Variants in ARHGAP6 observed in about 807,000 individuals in gnomAD.
ARHGAP6 encodes rho GTPase-activating protein 6.
ARHGAP6 carries 16 observed loss-of-function variants against 55.7 expected under a neutral mutation model. The ratio of observed to expected loss-of-function variants is 0.29; its 90% CI spans 0.19 to 0.44. ARHGAP6 has a LOEUF of 0.44. Among genes scored for constraint, ARHGAP6 ranks in the 20% least tolerant of loss-of-function variants. The pLI, the probability that ARHGAP6 is intolerant of heterozygous loss-of-function variation, is 1.00. For missense variants in ARHGAP6, 698 were observed against 808.9 expected (o/e 0.86, Z 1.66); for synonymous variants, 382 against 360.9 (o/e 1.06, Z -0.66).
chrX:11,229,122 C>A (rs1356761680), intron 2 of ARHGAP6, among the ~76,000 whole-genome samples: 1 of 112,231 alleles, frequency 8.9e-6, no homozygotes, highest in Non-Finnish European at 1.9e-5. Context: ...TAAAAGAAGA[C>A]AAAACTTATT....
intron 1 of ARHGAP6, among the ~76,000 whole-genome samples, chrX:11,504,236 T>G (rs1397108137): frequency 8.9e-6 from 1 of 112,442 alleles, no homozygotes; most frequent in East Asian, 2.8e-4. Flanking sequence ...GTTATTATGT[T>G]TAATTTGTTA....
intron 1 of ARHGAP6, among the ~76,000 whole-genome samples, chrX:11,340,787 T>C (rs2147651632): frequency 9.0e-6 from 1 of 111,722 alleles, no homozygotes; most frequent in East Asian, 2.8e-4. Context: ...TTCTGTTCTT[T>C]ACACAGCATT....
chrX:11,290,510 C>T (rs1309514874), intron 1 of ARHGAP6: 1 of 316,489 alleles, frequency 3.2e-6, no homozygotes, highest in South Asian at 3.2e-5. Flanking sequence ...AAAAAAAAAG[C>T]TATCCTAGAG....
chrX:11,637,720 T>C (rs1243361845), intron 1 of ARHGAP6, among the ~76,000 whole-genome samples: 1 of 110,518 alleles, frequency 9.0e-6, no homozygotes, highest in African/African-American at 3.3e-5. Context: ...TTTTCAGTAA[T>C]TGATTTTATC....
chrX:11,473,201 T>A (rs1291115267), intron 1 of ARHGAP6, among the ~76,000 whole-genome samples: 1 of 110,932 alleles, frequency 9.0e-6, no homozygotes, highest in African/African-American at 3.3e-5. Flanking sequence ...TTTCTCAGAG[T>A]CATCTTATGA....
chrX:11,523,603 G>GA (rs927130252), intron 1 of ARHGAP6, among the ~76,000 whole-genome samples: 3 of 111,552 alleles, frequency 2.7e-5, no homozygotes, highest in Non-Finnish European at 5.7e-5. Context: ...AGTTACCTTA[G>GA]AAAAAAATTC....
intron 9 of ARHGAP6, among the ~76,000 whole-genome samples, chrX:11,160,001 T>G (rs1274921858): frequency 9.0e-6 from 1 of 111,538 alleles, no homozygotes; most frequent in South Asian, 3.8e-4. Flanking sequence ...GAACTCATAT[T>G]TTTTTAATGA....
intron 1 of ARHGAP6, among the ~76,000 whole-genome samples, chrX:11,643,404 A>C (rs2052495436): frequency 8.9e-6 from 1 of 112,106 alleles, no homozygotes; most frequent in Admixed American, 9.5e-5. Flanking sequence ...CTAACGCCAG[A>C]ATTAATCACT....
chrX:11,426,358 A>C (rs1414692207), intron 1 of ARHGAP6, among the ~76,000 whole-genome samples: 1 of 102,826 alleles, frequency 9.7e-6, no homozygotes, highest in East Asian at 2.9e-4. Flanking sequence ...TCAAAAAAAC[A>C]ATTTTTTTTT....
At chrX:11,544,547 C>T (rs765058827) in intron 1 of ARHGAP6, among the ~76,000 whole-genome samples, 2 of 112,250 alleles carry the variant, frequency 1.8e-5, no homozygotes, top group East Asian at 5.6e-4. Flanking sequence ...AAATCTGGCA[C>T]CCAAAACAAG....
In ARHGAP6 at chrX:11,336,960, G is replaced by A. The variant is rs144798869; in HGVS notation, c.589-82253C>T. 9.0e-5 allele frequency among the ~76,000 whole-genome samples: 10 copies of A among 110,874 alleles called. No individual in the cohort carries two copies. The East Asian group carries it at 1.1e-3, about 13-fold the overall frequency. On this transcript the variant is annotated intron_variant, in intron 1 of 12. Coordinates refer to ENST00000337414, the MANE Select transcript of ARHGAP6 (RefSeq NM_013427.3). ...AATATATCCCAGGGAGACGTACACC[G>A]GGTCAGTTTACTTCACCCCTCACAG...
intron 2 of ARHGAP6, among the ~76,000 whole-genome samples, chrX:11,228,659 T>G (rs1303576347): frequency 8.9e-6 from 1 of 112,568 alleles, no homozygotes; most frequent in African/African-American, 3.2e-5. Flanking sequence ...TCAGGATTGA[T>G]GTAAGCACTG....
intron 1 of ARHGAP6, among the ~76,000 whole-genome samples, chrX:11,411,183 T>TTATATATATATATATATATTTA (rs2049676866): frequency 3.1e-5 from 1 of 31,775 alleles, no homozygotes; most frequent in Non-Finnish European, 5.8e-5. Flanking sequence ...CAGACATTAT[T>TTATATATATATATATATATTTA]TATATATATA....
At chrX:11,258,192 G>C (rs1207342778) in intron 1 of ARHGAP6, among the ~76,000 whole-genome samples, 1 of 111,606 alleles carries the variant, frequency 9.0e-6, no homozygotes, top group Non-Finnish European at 1.9e-5. Context: ...AATTAAAGGG[G>C]AGAGCAAGTC....
In ARHGAP6 at chrX:11,639,971, CAAG is replaced by C. The variant is rs752990409; in HGVS notation, c.588+24267_588+24269del. 1.1e-4 allele frequency among the ~76,000 whole-genome samples: 12 copies of C among 111,222 alleles called. No individual in the cohort carries two copies. The South Asian group carries it at 3.0e-3, about 28-fold the overall frequency. ...AAAATTTTAAGTGATCTTTAGTAAGCAAGAAGGTCATGCTACAGCTATGATTTT... is the reference window on the plus strand; with the variant it reads ...AAAATTTTAAGTGATCTTTAGTAAGCAAGGTCATGCTACAGCTATGATTTT... On this transcript the variant is annotated intron_variant, in intron 1 of 12. Coordinates refer to ENST00000337414, the MANE Select transcript of ARHGAP6 (RefSeq NM_013427.3).
chrX:11,447,787 AG>A (rs1339089943), intron 1 of ARHGAP6, among the ~76,000 whole-genome samples: 1 of 112,551 alleles, frequency 8.9e-6, no homozygotes, highest in Admixed American at 9.4e-5. Flanking sequence ...CTAGCAAGAA[AG>A]GTGTTTCTAA....
At chrX:11,298,861 C>T (rs758391877) in intron 1 of ARHGAP6, 15 of 1,208,780 alleles carry the variant, frequency 1.2e-5, no homozygotes, top group Non-Finnish European at 1.7e-5. Context: ...CAGCCCCTGC[C>T]GCCACAGCCA....
chrX:11,556,171 G>A (rs2051318726), intron 1 of ARHGAP6, among the ~76,000 whole-genome samples: 1 of 111,771 alleles, frequency 8.9e-6, no homozygotes, highest in Non-Finnish European at 1.9e-5. Flanking sequence ...AGCAACAGCA[G>A]CACCATCAAT....
chrX:11,171,354 GCTTA>G (rs2046088594), intron 8 of ARHGAP6, among the ~76,000 whole-genome samples: 1 of 106,553 alleles, frequency 9.4e-6, no homozygotes, highest in Admixed American at 1.0e-4. Context: ...TTTGTAACTT[GCTTA>G]CTATCTCTTA....
Sources: gnomAD v4.1 joint callset for allele counts (sites outside exome capture counted in the v4.1 genomes callset) on GRCh38, gnomAD v4.1.1 for gene constraint, MANE v1.5 for transcripts, NCBI Gene and HGNC (gene_info 2026-07-23, HGNC 2026-07-21) for gene names.